Variants in TGFBR1 observed in about 807,000 individuals in gnomAD.
TGFBR1 encodes transforming growth factor beta receptor 1, also known as TGF-beta receptor type-1.
TGFBR1 carries 20 observed loss-of-function variants against 55.1 expected under a neutral mutation model. The observed-to-expected ratio is 0.36, with a 90% confidence interval of 0.26 to 0.53. TGFBR1 has a LOEUF of 0.53. Among genes scored for constraint, TGFBR1 ranks in the 20% least tolerant of loss-of-function variants. TGFBR1 has a pLI of 0.91. For synonymous variants in TGFBR1, 220 were observed against 214.8 expected (o/e 1.02, Z -0.21); for missense variants, 385 against 617.6 (o/e 0.62, Z 3.99).
chr9:99,113,162 A>G (rs751641251), intron 1 of TGFBR1, among the ~76,000 whole-genome samples: 4 of 152,198 alleles, frequency 2.6e-5, no homozygotes, highest in Non-Finnish European at 5.9e-5. Flanking sequence ...TTGTATTGAA[A>G]TTAACCTTCA....
At chr9:99,142,814 T>A in intron 5 of TGFBR1, 111 bp downstream of exon 5, 1 of 1,262,472 alleles carries the variant, frequency 7.9e-7, no homozygotes, top group Non-Finnish European at 1.1e-6. Flanking sequence ...ATCCCAGCAC[T>A]TTGGGAGGCT....
At chr9:99,105,077 CCGAGCAGTTA>C (rs1247016601), upstream of TGFBR1, 1 of 694,042 alleles carries the variant, frequency 1.4e-6, no homozygotes, top group Non-Finnish European at 1.8e-6. Context: ...CGCGCGTCCT[CCGAGCAGTTA>C]CAAAGGGCCG....
At chr9:99,124,035 A>G (rs1355955886) in intron 1 of TGFBR1, among the ~76,000 whole-genome samples, 1 of 152,168 alleles carries the variant, frequency 6.6e-6, no homozygotes, top group Non-Finnish European at 1.5e-5. Context: ...TGATCATCTT[A>G]CTTGGTATGC....
At chr9:99,118,613 A>G (rs1826813907) in intron 1 of TGFBR1, among the ~76,000 whole-genome samples, 1 of 150,662 alleles carries the variant, frequency 6.6e-6, no homozygotes, top group South Asian at 2.1e-4. Context: ...TACATCACCT[A>G]AACTGCCAAA....
chr9:99,144,877 G>C lies in TGFBR1; in HGVS notation c.1119G>C (p.Val373=). The C allele has an allele frequency of 6.2e-7, 1 of 1,613,642 alleles. No individual in the cohort carries two copies. Among genetic ancestry groups the C allele is most frequent in the Non-Finnish European group, 8.5e-7 (1 of 1,179,798 alleles). Residue 373 remains valine (V), a synonymous_variant, in exon 6 of 9, where the codon GTG becomes GTC. Transcript: ENST00000374994. The part of the protein sequence containing the change: ...DTIDIAPNHR[V]GTKRYMAPEV... The stretch of plus-strand genomic sequence containing the variant: ...TTGATATTGCTCCAAACCACAGAGT[G>C]GGAACAAAAAGGTATACTTTTGAAC...
In TGFBR1 at chr9:99,127,156, G is replaced by A. The variant is rs578027099; in HGVS notation, c.98-1699G>A. On this transcript the variant is annotated intron_variant, in intron 1 of 8. Coordinates refer to ENST00000374994, the MANE Select transcript of TGFBR1 (RefSeq NM_004612.4). ...ACATCAGCAAAAGCAAAAGGCACCC[G>A]GGGTGAAGTCTAGGAGAAATCAGAC... Among the ~76,000 whole-genome samples the A allele has an allele frequency of 4.6e-5, 7 of 152,280 alleles. No homozygotes were observed. In the East Asian group the frequency reaches 7.7e-4, roughly 17 times the overall value.
At chr9:99,142,849 A>C in intron 5 of TGFBR1, 146 bp downstream of exon 5, 1 of 866,044 alleles carries the variant, frequency 1.2e-6, no homozygotes, top group Non-Finnish European at 1.8e-6. Context: ...GCCCGATCTC[A>C]GGAGTTCATG....
intron 1 of TGFBR1, among the ~76,000 whole-genome samples, chr9:99,122,982 A>G (rs994989024): frequency 6.6e-6 from 1 of 152,174 alleles, no homozygotes; most frequent in African/African-American, 2.4e-5. Context: ...CAAATATTAT[A>G]TTAAATTACC....
chr9:99,108,189 A>G (rs1477129235), intron 1 of TGFBR1, among the ~76,000 whole-genome samples: 1 of 152,210 alleles, frequency 6.6e-6, no homozygotes, highest in African/African-American at 2.4e-5. Context: ...TTAACTTGTA[A>G]TTCCGTATAA....
chr9:99,125,421 A>G (rs1827011393), intron 1 of TGFBR1, among the ~76,000 whole-genome samples: 1 of 152,254 alleles, frequency 6.6e-6, no homozygotes, highest in African/African-American at 2.4e-5. Flanking sequence ...AAAACATTGC[A>G]TACCTACAAT....
At chr9:99,144,630 C>T (rs1827732770) in intron 5 of TGFBR1, 102 bp from the exon 6 acceptor site, 1 of 1,376,034 alleles carries the variant, frequency 7.3e-7, no homozygotes. Flanking sequence ...GGCTGAAATG[C>T]TTTGATAATT....
At position 99,151,385 on chromosome 9, in the gene TGFBR1, G is replaced by GT. The variant is rs1564182997; in HGVS notation, c.*2080_*2081insT. On this transcript the variant is annotated 3_prime_UTR_variant, in exon 9 of 9. Transcript: ENST00000374994. ...TGTGATCAGGTACTTTTTTTGTGGG[G>GT]GTTTTTTTTTTGTTTTTTTTTTTTT... The GT allele has an allele frequency of 2.8e-4, 61 of 220,120 alleles. No homozygotes were observed. The highest frequency in any genetic ancestry group is 1.3e-3 in the African/African-American group (55 of 41,858). 13.6% of individuals were successfully genotyped at this position (220,120 alleles called of 1,614,324 possible).
Position 99,128,892 on chromosome 9 carries a change from T to C in TGFBR1, c.135T>C (p.Asn45=), listed in dbSNP as rs369226180. 7 of 1,613,820 alleles carry C rather than the reference T, an allele frequency of 4.3e-6. No homozygotes were observed. The African/African-American group carries it at 9.3e-5, about 22-fold the overall frequency. Residue 45 remains asparagine (N), a synonymous_variant, in exon 2 of 9, where the codon AAT becomes AAC. Coordinates refer to ENST00000374994, the MANE Select transcript of TGFBR1 (RefSeq NM_004612.4). ...QCFCHLCTKD[N]FTCVTDGLCF... Reference sequence around the variant, plus strand: ...TCTGCCACCTCTGTACAAAAGACAATTTTACTTGTGTGACAGATGGGCTCT... The same window carrying C: ...TCTGCCACCTCTGTACAAAAGACAACTTTACTTGTGTGACAGATGGGCTCT...
chr9:99,141,500 C>A lies in TGFBR1; in HGVS notation c.806-1036C>A, dbSNP rs146291913. On this transcript the variant is annotated intron_variant, in intron 4 of 8. Transcript: ENST00000374994. ...AGAGCACAGTTTATGTACTTCTTAC[C>A]TAAAGAATCTAGCATTCCGTTTTTT... 2.2e-3 allele frequency among the ~76,000 whole-genome samples: 342 copies of A among 152,254 alleles called. 1 individual carries two copies. The highest frequency in any genetic ancestry group is 3.5e-3 in the Non-Finnish European group (235 of 68,002).
rs1827644863 is a variant in TGFBR1, at chr9:99,142,523, TTC to T, written c.806-11_806-10del. 6.2e-7 allele frequency: 1 copy of T among 1,613,860 alleles called. No individual in the cohort carries two copies. The highest frequency in any genetic ancestry group is 1.3e-5 in the African/African-American group (1 of 74,920). ...GTCTGCAGCCCAACCGAAATGTTAA[TTC>T]TGTTTTACAGACAATGGTACTTGGA... is the stretch of plus-strand genomic sequence containing the variant. On this transcript the variant is annotated splice_polypyrimidine_tract_variant and intron_variant, in intron 4 of 8. Coordinates refer to ENST00000374994, the MANE Select transcript of TGFBR1 (RefSeq NM_004612.4).
At position 99,142,660 on chromosome 9, in the gene TGFBR1, G is replaced by A. The variant is rs139090459; in HGVS notation, c.930G>A (p.Ala310=). 14 of 1,613,920 alleles carry A rather than the reference G, an allele frequency of 8.7e-6. No individual in the cohort carries two copies. Among genetic ancestry groups the A allele is most frequent in the African/African-American group, 5.3e-5 (4 of 74,902 alleles). The change falls in exon 5 of 9, where the codon GCG becomes GCA. Residue 310 remains alanine (A), a synonymous_variant. Coordinates refer to ENST00000374994, the MANE Select transcript of TGFBR1 (RefSeq NM_004612.4). The part of the protein sequence containing the change: ...EGMIKLALST[A]SGLAHLHMEI... ...TGATAAAACTTGCTCTGTCCACGGC[G>A]AGCGGTCTTGCCCATCTTCACATGG...
chr9:99,121,293 T>C (rs757457536), intron 1 of TGFBR1, among the ~76,000 whole-genome samples: 7 of 152,174 alleles, frequency 4.6e-5, no homozygotes, highest in African/African-American at 1.2e-4. Context: ...GAGGGTTGAA[T>C]TGAGAAGAAC....
At position 99,132,576 on chromosome 9, in the gene TGFBR1, C is replaced by G. The variant is rs1340127529; in HGVS notation, c.411C>G (p.Val137=). The change falls in exon 3 of 9, where the codon GTC becomes GTG. Residue 137 remains valine, a synonymous_variant. Coordinates refer to ENST00000374994, the MANE Select transcript of TGFBR1 (RefSeq NM_004612.4). ...TCATTGCTGGACCAGTGTGCTTCGT[C>G]TGCATCTCACTCATGTTGATGGTCT... is the stretch of plus-strand genomic sequence containing the variant. ...AAVIAGPVCF[V]CISLMLMVYI... 2 of 1,614,192 alleles carry G rather than the reference C, an allele frequency of 1.2e-6. No individual in the cohort carries two copies. Among genetic ancestry groups the G allele is most frequent in the Admixed American group, 3.3e-5 (2 of 60,016 alleles).
chr9:99,151,656 T>G lies in TGFBR1; in HGVS notation c.*2351T>G, dbSNP rs1337120040. On this transcript the variant is annotated 3_prime_UTR_variant, in exon 9 of 9. Coordinates refer to ENST00000374994, the MANE Select transcript of TGFBR1 (RefSeq NM_004612.4). The stretch of plus-strand genomic sequence containing the variant: ...TTTTCTTACCTAAGTGGATAAAATG[T>G]ACTTTTGATGAATCAGGGAATTTTT... The G allele has an allele frequency of 4.4e-6, 1 of 228,436 alleles. No homozygotes were observed. The highest frequency in any genetic ancestry group is 8.7e-6 in the Non-Finnish European group (1 of 114,912). The allele number at this position is 228,436 out of a possible 1,614,324, so 14.2% of individuals were successfully genotyped here. A position where few individuals can be genotyped will look rare whatever the true frequency, so the allele number is the denominator to read the frequency against.
Sources: allele counts gnomAD v4.1 joint callset (sites outside exome capture counted in the v4.1 genomes callset), GRCh38; gene constraint gnomAD v4.1.1; transcripts MANE v1.5; gene names NCBI Gene and HGNC (gene_info 2026-07-23, HGNC 2026-07-21).